ABR: variants seen among roughly 807,000 people sequenced by gnomAD.
The protein encoded by ABR is active breakpoint cluster region-related protein.
A neutral mutation model predicts 107.2 loss-of-function variants in ABR; 35 were observed. That is an observed-to-expected ratio of 0.33 (90% CI 0.25 to 0.43). ABR has a LOEUF of 0.43. Ranked by LOEUF, ABR falls within the 20% of genes least tolerant of loss-of-function variation. The pLI, the probability that ABR is intolerant of heterozygous loss-of-function variation, is 1.00. For synonymous variants in ABR, 498 were observed against 462.0 expected, an observed-to-expected ratio of 1.08 and a Z score of -1.00; for missense variants, 815 against 1,115.2, an observed-to-expected ratio of 0.73 and a Z score of 3.83.
chr17:1,147,747 C>G (rs538575424), intron 1 of ABR, among the ~76,000 whole-genome samples: 2 of 152,162 alleles, frequency 1.3e-5, no homozygotes, highest in Non-Finnish European at 2.9e-5. Flanking sequence ...AAGGCCAACC[C>G]CAGCCTCACG....
Position 1,179,731 on chromosome 17 carries a change from G to A in ABR, c.-4C>T, listed in dbSNP as rs749534716. The A allele has an allele frequency of 5.9e-6, 9 of 1,531,600 alleles. No individual in the cohort carries two copies. The highest frequency in any genetic ancestry group is 3.8e-5 in the Admixed American group (2 of 52,258). 94.9% of individuals were successfully genotyped at this position (1,531,600 alleles called of 1,614,324 possible). A position where few individuals can be genotyped will look rare whatever the true frequency, so the allele number is the denominator to read the frequency against. On this transcript the variant is annotated 5_prime_UTR_variant, in exon 1 of 23. Coordinates refer to ENST00000302538, the MANE Select transcript of ABR (RefSeq NM_021962.5). This position sits in a 1 kb window ranked among gnomAD's most constrained non-coding sequence, Gnocchi z 4.9. ...CCCGGTGGCTGAGCGGCTCCATCCC[G>A]CGGCGGCGGCTCGGTCAGATCCGAA... is the stretch of plus-strand genomic sequence containing the variant.
chr17:1,120,217 GGGA>G (rs1272522386), intron 2 of ABR, among the ~76,000 whole-genome samples: 2 of 152,100 alleles, frequency 1.3e-5, no homozygotes, highest in African/African-American at 4.8e-5. Flanking sequence ...TGTGATGAGG[GGGA>G]GGAGGAGGAA....
chr17:1,116,369 T>C (rs1298945113), intron 2 of ABR, among the ~76,000 whole-genome samples: 2 of 152,186 alleles, frequency 1.3e-5, no homozygotes, highest in Non-Finnish European at 2.9e-5. Flanking sequence ...TCTTGCCAAC[T>C]GTGTGACCTG....
intron 16 of ABR, among the ~76,000 whole-genome samples, chr17:1,031,293 G>T (rs1416568896): frequency 6.6e-6 from 1 of 152,182 alleles, no homozygotes; most frequent in Non-Finnish European, 1.5e-5. Context: ...CCAGAGGCAG[G>T]CGTCTCCCCG....
chr17:1,114,434 C>T (rs1022670576), intron 2 of ABR, among the ~76,000 whole-genome samples: 70 of 145,014 alleles, frequency 4.8e-4, no homozygotes, highest in African/African-American at 1.7e-3. Context: ...CACACCACTG[C>T]ACTCTAGTCT....
At chr17:1,153,005 C>T (rs184736448) in intron 1 of ABR, among the ~76,000 whole-genome samples, 3 of 152,086 alleles carry the variant, frequency 2.0e-5, no homozygotes, top group Admixed American at 2.0e-4. Context: ...AGGAGAATCG[C>T]CTGAACCAAT....
intron 16 of ABR, among the ~76,000 whole-genome samples, chr17:1,030,691 C>T (rs560798642): frequency 3.3e-5 from 5 of 152,218 alleles, no homozygotes; most frequent in Non-Finnish European, 5.9e-5. Context: ...GCCTCAATGC[C>T]GGCTGGCAGT....
intron 16 of ABR, among the ~76,000 whole-genome samples, chr17:1,013,736 T>C (rs2070865532): frequency 6.6e-6 from 1 of 152,200 alleles, no homozygotes; most frequent in Non-Finnish European, 1.5e-5. Flanking sequence ...TCCCTGGGAT[T>C]GCTGGGAAGA....
intron 1 of ABR, among the ~76,000 whole-genome samples, chr17:1,136,464 A>G (rs896290985): frequency 6.6e-6 from 1 of 152,000 alleles, no homozygotes; most frequent in African/African-American, 2.4e-5. Context: ...CCTGACCTCA[A>G]GTGATCCACC....
intron 1 of ABR, among the ~76,000 whole-genome samples, chr17:1,160,411 C>T (rs183949336): frequency 6.7e-4 from 102 of 152,162 alleles, no homozygotes; most frequent in Middle Eastern, 3.4e-3. Context: ...GGAATTACAC[C>T]CCAAATTCAG....
At position 1,050,725 on chromosome 17, in the gene ABR, C is replaced by T; in HGVS notation, c.1562-91G>A. 9.8e-7 allele frequency: 1 copy of T among 1,018,660 alleles called. No individual in the cohort carries two copies. The highest frequency in any genetic ancestry group is 1.5e-6 in the Non-Finnish European group (1 of 649,660). 63.1% of individuals were successfully genotyped at this position (1,018,660 alleles called of 1,614,324 possible). A position where few individuals can be genotyped will look rare whatever the true frequency, so the allele number is the denominator to read the frequency against. On this transcript the variant is annotated intron_variant, in intron 14 of 22. Transcript: ENST00000302538. This position sits in a 1 kb window ranked among gnomAD's most constrained non-coding sequence, Gnocchi z 4.6. ...CTCAGGATGGAGGGGGACATCGCAT[C>T]TGTCCTTTCCAACGTCCCCACGGAT...
intron 3 of ABR, among the ~76,000 whole-genome samples, chr17:1,098,334 C>T (rs775195599): frequency 2.1e-4 from 32 of 152,174 alleles, no homozygotes; most frequent in Non-Finnish European, 2.8e-4. Flanking sequence ...ACCTCAGCCT[C>T]CCAAAGTGCT....
At position 1,027,610 on chromosome 17, in the gene ABR, C is replaced by A. The variant is rs772882491; in HGVS notation, c.1792-14446G>T. On this transcript the variant is annotated intron_variant, in intron 16 of 22. Transcript: ENST00000302538. The surrounding 1 kb of genome is among the most constrained non-coding windows in gnomAD (Gnocchi z 4.7). ...AAAGAGGGAGGGTCGCCCGACCCCACTGCCAACCTGTCAGCCAGCCTGGCC... is the reference window on the plus strand; with the variant it reads ...AAAGAGGGAGGGTCGCCCGACCCCAATGCCAACCTGTCAGCCAGCCTGGCC... Among the ~76,000 whole-genome samples, 2 of 152,092 alleles carry A rather than the reference C, an allele frequency of 1.3e-5. No individual in the cohort carries two copies. Among genetic ancestry groups the A allele is most frequent in the Admixed American group, 1.3e-4 (2 of 15,276 alleles).
intron 1 of ABR, among the ~76,000 whole-genome samples, chr17:1,212,964 A>G (rs1374206051): frequency 2.0e-5 from 3 of 152,110 alleles, no homozygotes; most frequent in Non-Finnish European, 1.5e-5. Flanking sequence ...TGGACTTAAG[A>G]AATTTTTCAC....
intron 16 of ABR, among the ~76,000 whole-genome samples, chr17:1,044,175 G>A (rs1174682370): frequency 4.9e-5 from 7 of 142,848 alleles, no homozygotes; most frequent in African/African-American, 1.0e-4. Context: ...AGACTACGCC[G>A]GGGGCAGGGG....
At chr17:1,173,947 A>G (rs923840633) in intron 1 of ABR, among the ~76,000 whole-genome samples, 5 of 152,166 alleles carry the variant, frequency 3.3e-5, no homozygotes, top group Non-Finnish European at 5.9e-5. Context: ...AGCACTTTAT[A>G]AATATGAATT....
Position 1,179,563 on chromosome 17 carries a change from C to A in ABR, c.61+104G>T. On this transcript the variant is annotated intron_variant, in intron 1 of 22. Transcript: ENST00000302538. The surrounding 1 kb of genome is among the most constrained non-coding windows in gnomAD (Gnocchi z 4.9). ...CCCCGGACCAGCCCGGTGCCTGGGTCCCGATCCCGATCTTGGGGTCCCGAT... is the reference window on the plus strand; with the variant it reads ...CCCCGGACCAGCCCGGTGCCTGGGTACCGATCCCGATCTTGGGGTCCCGAT... The A allele has an allele frequency of 8.0e-7, 1 of 1,252,158 alleles. No individual in the cohort carries two copies. The highest frequency in any genetic ancestry group is 1.0e-6 in the Non-Finnish European group (1 of 953,680). 77.6% of individuals were successfully genotyped at this position (1,252,158 alleles called of 1,614,324 possible). A position where few individuals can be genotyped will look rare whatever the true frequency, so the allele number is the denominator to read the frequency against.
At chr17:1,168,515 G>A (rs1412139339) in intron 1 of ABR, among the ~76,000 whole-genome samples, 1 of 152,210 alleles carries the variant, frequency 6.6e-6, no homozygotes, top group Non-Finnish European at 1.5e-5. Context: ...AGAATGGGCA[G>A]TGTGCTGGGA....
In ABR at chr17:1,098,114, C is replaced by A. The variant is rs1362423569; in HGVS notation, c.345+2523G>T. On this transcript the variant is annotated intron_variant, in intron 3 of 22. Transcript: ENST00000302538. Reference sequence around the variant, plus strand: ...TTGTGATGGAGTCTCACTGTGTCGCCCAGGCTGGAGTGCAGTGGCGCAATC... The same window carrying A: ...TTGTGATGGAGTCTCACTGTGTCGCACAGGCTGGAGTGCAGTGGCGCAATC... Among the ~76,000 whole-genome samples, 8 of 151,088 alleles carry A rather than the reference C, an allele frequency of 5.3e-5. No homozygotes were observed. The East Asian group carries it at 1.2e-3, about 22-fold the overall frequency.
Sources: allele counts gnomAD v4.1 joint callset (sites outside exome capture counted in the v4.1 genomes callset), GRCh38; gene constraint gnomAD v4.1.1; non-coding constraint Gnocchi (gnomAD v3.1); transcripts MANE v1.5; gene names NCBI Gene and HGNC (gene_info 2026-07-23, HGNC 2026-07-21).